The following LRP1B variants were observed in gnomAD, a reference collection of about 807,000 sequenced individuals.
The protein encoded by LRP1B is low-density lipoprotein receptor-related protein 1B.
LRP1B carries 217 observed loss-of-function variants against 556.6 expected under a neutral mutation model. The ratio of observed to expected loss-of-function variants is 0.39; its 90% CI spans 0.35 to 0.44. The LOEUF is 0.44. Among genes scored for constraint, LRP1B ranks in the 20% least tolerant of loss-of-function variants. The probability of loss-of-function intolerance (pLI) is 1.00; values close to 1 mark genes in which losing one functional copy is unlikely to be tolerated. For missense variants in LRP1B, 5,053 were observed against 5,620.8 expected, an observed-to-expected ratio of 0.90 and a Z score of 3.23; for synonymous variants, 2,047 against 1,865.8, an observed-to-expected ratio of 1.10 and a Z score of -2.50.
chr2:141,850,622 CTGTGTGTGTGTGTGTG>C (rs70994458), intron 1 of LRP1B, among the ~76,000 whole-genome samples: 25 of 141,102 alleles, frequency 1.8e-4, no homozygotes, highest in Non-Finnish European at 2.8e-4. Flanking sequence ...AGCATAAACT[CTGTGTGTGTGTGTGTG>C]TGTGTGTGTG....
intron 77 of LRP1B, among the ~76,000 whole-genome samples, chr2:140,343,274 AAAATTC>A (rs1198109943): frequency 6.6e-6 from 1 of 151,632 alleles, no homozygotes; most frequent in Non-Finnish European, 1.5e-5. Flanking sequence ...AGCATTAGGA[AAAATTC>A]AAATTCATAT....
intron 3 of LRP1B, among the ~76,000 whole-genome samples, chr2:141,426,324 C>A (rs1348028208): frequency 6.6e-6 from 1 of 151,872 alleles, no homozygotes; most frequent in African/African-American, 2.4e-5. Flanking sequence ...TTTACTGTAG[C>A]CTTATAGTAT....
At chr2:141,657,131 A>G (rs1690042292) in intron 2 of LRP1B, among the ~76,000 whole-genome samples, 1 of 152,248 alleles carries the variant, frequency 6.6e-6, no homozygotes, top group Admixed American at 6.5e-5. Flanking sequence ...TTGAGACCCA[A>G]AATTATTATG....
At chr2:140,352,284 T>C (rs1682000023) in intron 76 of LRP1B, among the ~76,000 whole-genome samples, 1 of 152,082 alleles carries the variant, frequency 6.6e-6, no homozygotes, top group African/African-American at 2.4e-5. Flanking sequence ...GAAGCGATTC[T>C]CCTGCATCAG....
At chr2:140,411,648 G>T (rs1373054369) in intron 66 of LRP1B, among the ~76,000 whole-genome samples, 1 of 152,028 alleles carries the variant, frequency 6.6e-6, no homozygotes, top group Non-Finnish European at 1.5e-5. Context: ...CTTATATGGA[G>T]AAATGATATT....
At chr2:140,533,323 A>C (rs749015216) in intron 47 of LRP1B, among the ~76,000 whole-genome samples, 45 of 152,044 alleles carry the variant, frequency 3.0e-4, no homozygotes, top group Non-Finnish European at 1.8e-4. Flanking sequence ...TATTTTTTCT[A>C]CCTTGCTATT....
In LRP1B at chr2:140,541,970, A is replaced by G. The variant is rs762510374; in HGVS notation, c.7196T>C (p.Val2399Ala). 4 of 1,593,720 alleles carry G rather than the reference A, an allele frequency of 2.5e-6. No homozygotes were observed. The Admixed American group carries it at 5.1e-5, about 20-fold the overall frequency. ...RCEYDGSQRH[V>A]IVKSGPGTFL... ...AGTCCCTGGCCCAGATTTAACTATCACCTGAAATAAATTAAAATACTGTAT... is the reference window on the plus strand; with the variant it reads ...AGTCCCTGGCCCAGATTTAACTATCGCCTGAAATAAATTAAAATACTGTAT... Residue 2399 changes from valine to alanine, a missense_variant and splice_region_variant, in exon 44 of 91, where the codon GTG becomes GCG. Coordinates refer to ENST00000389484, the MANE Select transcript of LRP1B (RefSeq NM_018557.3).
intron 66 of LRP1B, among the ~76,000 whole-genome samples, chr2:140,411,961 C>G (rs1289902301): frequency 6.6e-6 from 1 of 152,078 alleles, no homozygotes; most frequent in Non-Finnish European, 1.5e-5. Context: ...AAATCTTTTA[C>G]AATTTCTGTT....
intron 86 of LRP1B, among the ~76,000 whole-genome samples, chr2:140,259,420 CATCAT>C (rs1453262815): frequency 6.6e-6 from 1 of 151,948 alleles, no homozygotes; most frequent in Non-Finnish European, 1.5e-5. Flanking sequence ...ACTCAAGAAA[CATCAT>C]ATAACAGTTT....
At chr2:140,294,768 G>T (rs918789394) in intron 84 of LRP1B, among the ~76,000 whole-genome samples, 1 of 152,192 alleles carries the variant, frequency 6.6e-6, no homozygotes, top group Non-Finnish European at 1.5e-5. Context: ...ATAAACACAC[G>T]TGAGTTAGTG....
chr2:140,446,494 A>G (rs1686664999), intron 63 of LRP1B, among the ~76,000 whole-genome samples: 4 of 152,114 alleles, frequency 2.6e-5, no homozygotes, highest in Admixed American at 2.6e-4. Flanking sequence ...AAGTATTGTC[A>G]GCATCTCTTA....
intron 1 of LRP1B, among the ~76,000 whole-genome samples, chr2:141,813,498 G>C (rs571097119): frequency 6.6e-6 from 1 of 152,062 alleles, no homozygotes; most frequent in East Asian, 1.9e-4. Context: ...GGTCAACGTG[G>C]CTGCAGAAAA....
chr2:141,447,199 G>A (rs1681228764), intron 3 of LRP1B, among the ~76,000 whole-genome samples: 1 of 151,252 alleles, frequency 6.6e-6, no homozygotes, highest in African/African-American at 2.4e-5. Flanking sequence ...CTGCTTGATC[G>A]ATTTGGCTAT....
intron 83 of LRP1B, among the ~76,000 whole-genome samples, chr2:140,312,101 A>G (rs1360412917): frequency 6.6e-6 from 1 of 151,914 alleles, no homozygotes; most frequent in African/African-American, 2.4e-5. Flanking sequence ...AAGTCCTCAG[A>G]TGTGGTGGCA....
At chr2:140,424,500 T>C (rs1573921943) in intron 66 of LRP1B, among the ~76,000 whole-genome samples, 1 of 152,198 alleles carries the variant, frequency 6.6e-6, no homozygotes, top group African/African-American at 2.4e-5. Flanking sequence ...TTCACGAGCA[T>C]TCATGAAGTG....
At chr2:141,423,458 T>C (rs924247446) in intron 3 of LRP1B, among the ~76,000 whole-genome samples, 3 of 151,994 alleles carry the variant, frequency 2.0e-5, no homozygotes, top group African/African-American at 7.3e-5. Flanking sequence ...GCATCAAGAT[T>C]ATAAACATCA....
At chr2:140,549,199 T>C (rs1680455597) in intron 43 of LRP1B, among the ~76,000 whole-genome samples, 1 of 152,148 alleles carries the variant, frequency 6.6e-6, no homozygotes, top group Non-Finnish European at 1.5e-5. Flanking sequence ...AGGTCAGGTA[T>C]TGACCCTGAG....
intron 11 of LRP1B, among the ~76,000 whole-genome samples, chr2:141,037,212 A>T (rs115280320): frequency 6.6e-6 from 1 of 152,102 alleles, no homozygotes; most frequent in Non-Finnish European, 1.5e-5. Flanking sequence ...TCTGTCCACC[A>T]AGGGAGGGAT....
At chr2:141,491,725 C>G (rs1316177506) in intron 2 of LRP1B, among the ~76,000 whole-genome samples, 1 of 152,116 alleles carries the variant, frequency 6.6e-6, no homozygotes, top group African/African-American at 2.4e-5. Flanking sequence ...ACTTGTCAGA[C>G]AGCTGAGTCA....
Sources: allele counts gnomAD v4.1 joint callset (sites outside exome capture counted in the v4.1 genomes callset), GRCh38; gene constraint gnomAD v4.1.1; transcripts MANE v1.5; gene names NCBI Gene and HGNC (gene_info 2026-07-23, HGNC 2026-07-21).